CTNNA2: variants seen among roughly 807,000 people sequenced by gnomAD.
CTNNA2 encodes the protein catenin alpha-2.
In CTNNA2, 42 loss-of-function variants were observed where a neutral mutation model predicts 101.0. The observed-to-expected ratio is 0.42, with a 90% CI of 0.32 to 0.54. The LOEUF (loss-of-function observed/expected upper bound fraction) is 0.54, where lower values mean the gene tolerates loss of function less well. Among genes scored for constraint, CTNNA2 ranks in the 20% least tolerant of loss-of-function variants. The pLI, the probability that CTNNA2 is intolerant of heterozygous loss-of-function variation, is 0.14. For missense variants in CTNNA2, 871 were observed against 1,223.1 expected (o/e 0.71, Z 4.29); for synonymous variants, 450 against 456.4 (o/e 0.99, Z 0.18).
chr2:79,961,337 C>G (rs568753965), intron 7 of CTNNA2, among the ~76,000 whole-genome samples: 5 of 152,224 alleles, frequency 3.3e-5, no homozygotes, highest in Admixed American at 3.3e-4. Context: ...CCTTGCAGCT[C>G]CCAGCACTCT....
chr2:80,443,862 A>G (rs1436311065), intron 9 of CTNNA2, among the ~76,000 whole-genome samples: 4 of 152,214 alleles, frequency 2.6e-5, no homozygotes, highest in African/African-American at 9.7e-5. Context: ...AAGAGACCAG[A>G]CTTGTGTTAT....
rs567242479 is a variant in CTNNA2, at chr2:80,328,233, G to A, written c.1057-64978G>A. 1,750 of 468,836 alleles carry A rather than the reference G, an allele frequency of 3.7e-3. 7 individuals carry two copies. The highest frequency in any genetic ancestry group is 6.5e-3 in the Middle Eastern group (20 of 3,058). The allele number at this position is 468,836 out of a possible 1,614,324, so 29.0% of individuals were successfully genotyped here. ...TTGGGTTTTGTCATTATCTGTCTTT[G>A]TCAGGGAAGCATGATCAGTTCCTCA... On this transcript the variant is annotated intron_variant, in intron 7 of 18. Transcript: ENST00000402739.
At chr2:79,618,377 T>C (rs1678775516) in intron 1 of CTNNA2, among the ~76,000 whole-genome samples, 1 of 152,338 alleles carries the variant, frequency 6.6e-6, no homozygotes, top group South Asian at 2.1e-4. Flanking sequence ...ATGATAGTTA[T>C]TGGATTGGCT....
At chr2:80,359,372 G>A (rs1674160603) in intron 7 of CTNNA2, among the ~76,000 whole-genome samples, 1 of 152,180 alleles carries the variant, frequency 6.6e-6, no homozygotes, top group Non-Finnish European at 1.5e-5. Context: ...TACACTGTCT[G>A]ATATGGTTTG....
At chr2:79,864,924 C>T (rs1681914037) in intron 4 of CTNNA2, among the ~76,000 whole-genome samples, 1 of 152,148 alleles carries the variant, frequency 6.6e-6, no homozygotes. Context: ...ATTCAAAGAA[C>T]TGTTTTTTGG....
chr2:79,442,510 A>G (rs1678787679), intron 4 of CTNNA2, among the ~76,000 whole-genome samples: 1 of 152,206 alleles, frequency 6.6e-6, no homozygotes, highest in African/African-American at 2.4e-5. Flanking sequence ...ATGGCTTCCA[A>G]TCTTATTTGA....
intron 7 of CTNNA2, among the ~76,000 whole-genome samples, chr2:79,963,741 C>T (rs935979892): frequency 1.3e-5 from 2 of 152,166 alleles, no homozygotes; most frequent in African/African-American, 2.4e-5. Flanking sequence ...ACAAAATGTC[C>T]GTTTCCCTTG....
intron 2 of CTNNA2, among the ~76,000 whole-genome samples, chr2:79,307,681 G>A (rs2104396767): frequency 6.6e-6 from 1 of 152,296 alleles, no homozygotes; most frequent in African/African-American, 2.4e-5. Context: ...CAATAAGCAT[G>A]GGGGTACAGA....
At chr2:79,396,116 A>G (rs981874148) in intron 4 of CTNNA2, among the ~76,000 whole-genome samples, 3 of 152,120 alleles carry the variant, frequency 2.0e-5, no homozygotes, top group African/African-American at 7.2e-5. Flanking sequence ...TCATTCTAAT[A>G]TGTCCAAAGT....
chr2:79,866,579 G>A (rs1477431844), intron 4 of CTNNA2: 1 of 152,142 alleles, frequency 6.6e-6, no homozygotes, highest in Non-Finnish European at 1.5e-5. Context: ...CCTTCTTAGA[G>A]CCATCACTAG....
intron 3 of CTNNA2, among the ~76,000 whole-genome samples, chr2:79,347,411 G>GTACTT (rs1677285837): frequency 6.6e-6 from 1 of 152,092 alleles, no homozygotes; most frequent in East Asian, 1.9e-4. Context: ...GATAATAATA[G>GTACTT]TACTTTACTT....
chr2:79,842,623 A>G (rs560670932), intron 3 of CTNNA2, among the ~76,000 whole-genome samples: 7 of 152,214 alleles, frequency 4.6e-5, no homozygotes, highest in African/African-American at 1.7e-4. Context: ...TCAGACTTAC[A>G]TCTCAGGACT....
chr2:80,475,240 T>C (rs896935412), intron 9 of CTNNA2, among the ~76,000 whole-genome samples: 3 of 152,264 alleles, frequency 2.0e-5, no homozygotes, highest in Middle Eastern at 3.4e-3. Flanking sequence ...AAAGTGTAAA[T>C]TGTGTCATTG....
chr2:79,900,466 C>T (rs1459092366), intron 6 of CTNNA2, among the ~76,000 whole-genome samples: 1 of 152,156 alleles, frequency 6.6e-6, no homozygotes, highest in African/African-American at 2.4e-5. Flanking sequence ...GTGACCTAGA[C>T]ACTTGGTAAT....
chr2:79,500,759 T>G (rs1671310550), intron 4 of CTNNA2: 1 of 152,362 alleles, frequency 6.6e-6, no homozygotes, highest in African/African-American at 2.4e-5. Context: ...CATTTTTGAG[T>G]GACTACATCC....
At chr2:79,845,929 A>C (rs1303337819) in intron 3 of CTNNA2, among the ~76,000 whole-genome samples, 1 of 152,186 alleles carries the variant, frequency 6.6e-6, no homozygotes. Flanking sequence ...ACAGTTTAGT[A>C]AAGAGGCCTT....
chr2:79,411,888 C>G (rs967735737), intron 4 of CTNNA2, among the ~76,000 whole-genome samples: 5 of 152,168 alleles, frequency 3.3e-5, no homozygotes, highest in Non-Finnish European at 5.9e-5. Flanking sequence ...CAAATTCACA[C>G]ATAACAATAT....
At chr2:80,644,981 T>C (rs1244605509) in intron 18 of CTNNA2, among the ~76,000 whole-genome samples, 1 of 152,172 alleles carries the variant, frequency 6.6e-6, no homozygotes. Flanking sequence ...GAATCTGTGG[T>C]AAAAATCTCC....
At chr2:80,453,534 C>T (rs1022733638) in intron 9 of CTNNA2, among the ~76,000 whole-genome samples, 3 of 151,840 alleles carry the variant, frequency 2.0e-5, no homozygotes, top group African/African-American at 7.3e-5. Context: ...GATTCGCTCA[C>T]GTAATTCTGT....
Sources: allele counts gnomAD v4.1 joint callset (sites outside exome capture counted in the v4.1 genomes callset), GRCh38; gene constraint gnomAD v4.1.1; transcripts MANE v1.5; gene names NCBI Gene and HGNC (gene_info 2026-07-23, HGNC 2026-07-21).